PCDHGA5: variants seen among roughly 807,000 people sequenced by gnomAD.
The protein encoded by PCDHGA5 is protocadherin gamma-A5.
In PCDHGA5, 36 loss-of-function variants were observed where a neutral mutation model predicts 56.7. The ratio of observed to expected loss-of-function variants is 0.64; its 90% confidence interval spans 0.49 to 0.84. PCDHGA5 has a LOEUF of 0.84. Among genes scored for constraint, PCDHGA5 ranks in the 40% least tolerant of loss-of-function variants. PCDHGA5 has a pLI of 0.00. For missense variants in PCDHGA5, 1,305 were observed against 1,201.5 expected (o/e 1.09, Z -1.27); for synonymous variants, 563 against 520.2 (o/e 1.08, Z -1.12).
At chr5:141,404,167 G>A (rs2094493296) in intron 1 of PCDHGA5, 1 of 1,612,946 alleles carries the variant, frequency 6.2e-7, no homozygotes, top group South Asian at 1.1e-5. Flanking sequence ...ACAGATTGTT[G>A]ACGGCCCAAA....
intron 2 of PCDHGA5, among the ~76,000 whole-genome samples, chr5:141,503,458 G>A (rs948221006): frequency 2.0e-5 from 3 of 152,018 alleles, no homozygotes; most frequent in Non-Finnish European, 4.4e-5. Flanking sequence ...CGCTGGGCAT[G>A]GTGGCATGTG....
chr5:141,384,636 C>T (rs760530136), intron 1 of PCDHGA5: 4 of 1,614,202 alleles, frequency 2.5e-6, no homozygotes, highest in South Asian at 1.1e-5. Flanking sequence ...AGCTGGCACC[C>T]CGCTCCGCAG....
chr5:141,478,100 C>T, intron 1 of PCDHGA5: 1 of 1,614,124 alleles, frequency 6.2e-7, no homozygotes, highest in Non-Finnish European at 8.5e-7. Context: ...CACTGCTACC[C>T]TCACTGTGTC....
chr5:141,508,826 C>T (rs2099872187), intron 3 of PCDHGA5, among the ~76,000 whole-genome samples: 1 of 152,092 alleles, frequency 6.6e-6, no homozygotes, highest in South Asian at 2.1e-4. Context: ...AGATCTGGGC[C>T]CCCCTCCCCT....
intron 1 of PCDHGA5, chr5:141,384,703 G>A (rs776947081): frequency 6.2e-7 from 1 of 1,614,100 alleles, no homozygotes; most frequent in South Asian, 1.1e-5. Flanking sequence ...AGGCCAGAAC[G>A]CCTGGCTGTC....
rs766865642 is a variant in PCDHGA5, at chr5:141,400,084, A to G, written c.2421+33333A>G. 34 of 1,613,852 alleles carry G rather than the reference A, an allele frequency of 2.1e-5. No homozygotes were observed. The highest frequency in any genetic ancestry group is 2.0e-4 in the Admixed American group (12 of 60,006). On this transcript the variant is annotated intron_variant, in intron 1 of 3. Transcript: ENST00000518069. The stretch of plus-strand genomic sequence containing the variant: ...TGGTGGACAGCCGCCACTCTCCGCC[A>G]CCGCCACGCTGCACTTGGTCTTTGC...
At chr5:141,481,813 G>C (rs185558948) in intron 1 of PCDHGA5, among the ~76,000 whole-genome samples, 1 of 151,824 alleles carries the variant, frequency 6.6e-6, no homozygotes, top group African/African-American at 2.4e-5. Flanking sequence ...TTCACCAGGC[G>C]TGGTGGCTGA....
intron 1 of PCDHGA5, chr5:141,389,352 AT>A (rs1561624660): frequency 6.2e-7 from 1 of 1,613,628 alleles, no homozygotes; most frequent in African/African-American, 1.3e-5. Context: ...TTACTGCATC[AT>A]GGCCAGTGAC....
chr5:141,386,746 C>A (rs2090695980), intron 1 of PCDHGA5, among the ~76,000 whole-genome samples: 1 of 152,144 alleles, frequency 6.6e-6, no homozygotes, highest in Non-Finnish European at 1.5e-5. Context: ...GATCCTATGG[C>A]AGAACTACGG....
intron 1 of PCDHGA5, chr5:141,371,732 C>T: frequency 1.9e-6 from 3 of 1,614,046 alleles, no homozygotes; most frequent in Non-Finnish European, 2.5e-6. Flanking sequence ...TTGATGTCAA[C>T]GACAACGTTC....
chr5:141,408,609 AG>A, intron 1 of PCDHGA5: 3 of 1,614,088 alleles, frequency 1.9e-6, no homozygotes, highest in Non-Finnish European at 1.7e-6. Context: ...TTTGATAAAA[AG>A]GAAATACATT....
At chr5:141,371,474 T>A in intron 1 of PCDHGA5, 1 of 1,613,986 alleles carries the variant, frequency 6.2e-7, no homozygotes, top group South Asian at 1.1e-5. Flanking sequence ...AAGAAGATGC[T>A]GAGCTGGGGA....
In PCDHGA5 at chr5:141,432,278, A is replaced by G. The variant is rs923930127; in HGVS notation, c.2422-62529A>G. On this transcript the variant is annotated intron_variant, in intron 1 of 3. Transcript: ENST00000518069. The surrounding 1 kb of genome is among the most constrained non-coding windows in gnomAD (Gnocchi z 6.0). ...GGCAAGCCTATCGTCCTACGTGTCC[A>G]TCAACTCCGACACTGGGGTACTGTA... 3.7e-5 allele frequency: 59 copies of G among 1,614,078 alleles called. No individual in the cohort carries two copies. Among genetic ancestry groups the G allele is most frequent in the Non-Finnish European group, 4.7e-5 (55 of 1,180,036 alleles).
rs1014896576 is a variant in PCDHGA5, at chr5:141,512,427, C to T, written c.*1254C>T. 6.5e-6 allele frequency: 1 copy of T among 152,788 alleles called. No individual in the cohort carries two copies. Among genetic ancestry groups the T allele is most frequent in the African/African-American group, 2.4e-5 (1 of 41,460 alleles). The allele number at this position is 152,788 out of a possible 1,614,324, so 9.5% of individuals were successfully genotyped here. A position where few individuals can be genotyped will look rare whatever the true frequency, so the allele number is the denominator to read the frequency against. On this transcript the variant is annotated 3_prime_UTR_variant, in exon 4 of 4. Transcript: ENST00000518069. ...GGGCTTCTTCAACAGGGCCCCTGCC[C>T]TCCTGAAGCCTCAGTCCTTCACCTT...
At chr5:141,389,508 G>A (rs369319162) in intron 1 of PCDHGA5, 3 of 1,613,090 alleles carry the variant, frequency 1.9e-6, no homozygotes, top group Non-Finnish European at 2.5e-6. Flanking sequence ...AGCGCTCAGC[G>A]CGAACGTGAG....
At chr5:141,385,211 C>T (rs1781001155) in intron 1 of PCDHGA5, 1 of 1,614,082 alleles carries the variant, frequency 6.2e-7, no homozygotes, top group Admixed American at 1.7e-5. Flanking sequence ...CTGATCTTCC[C>T]CCAGCCCAAC....
chr5:141,370,840 G>T (rs762166631), intron 1 of PCDHGA5: 1 of 1,614,022 alleles, frequency 6.2e-7, no homozygotes, highest in South Asian at 1.1e-5. Flanking sequence ...GCTCTCACTG[G>T]AGCCACATTT....
intron 1 of PCDHGA5, among the ~76,000 whole-genome samples, chr5:141,468,738 T>C (rs965510711): frequency 3.0e-4 from 46 of 151,958 alleles, no homozygotes; most frequent in South Asian, 2.1e-3. Flanking sequence ...TGGTGGCGGG[T>C]GCCTGTAGTC....
chr5:141,400,168 C>G, intron 1 of PCDHGA5: 1 of 1,614,088 alleles, frequency 6.2e-7, no homozygotes, highest in South Asian at 1.1e-5. Context: ...CTCTGACCCC[C>G]AGGCTGAGCT....
Sources: gnomAD v4.1 joint callset for allele counts (sites outside exome capture counted in the v4.1 genomes callset) on GRCh38, gnomAD v4.1.1 for gene constraint, Gnocchi (gnomAD v3.1) non-coding constraint, MANE v1.5 for transcripts, NCBI Gene and HGNC (gene_info 2026-07-23, HGNC 2026-07-21) for gene names.